The following DPYSL3 variants were observed in gnomAD, a reference collection of about 807,000 sequenced individuals.
DPYSL3 encodes the protein dihydropyrimidinase like 3.
In DPYSL3, 16 loss-of-function variants were observed where a neutral mutation model predicts 66.1. That is an observed-to-expected ratio of 0.24 (90% CI 0.16 to 0.37). DPYSL3 has a LOEUF of 0.37. Ranked by LOEUF, DPYSL3 falls within the 10% of genes least tolerant of loss-of-function variation. The pLI, the probability that DPYSL3 is intolerant of heterozygous loss-of-function variation, is 1.00. For missense variants in DPYSL3, 738 were observed against 916.2 expected, an observed-to-expected ratio of 0.81 and a Z score of 2.51; for synonymous variants, 338 against 345.1, an observed-to-expected ratio of 0.98 and a Z score of 0.23.
Position 147,418,464 on chromosome 5 carries a change from C to A in DPYSL3, c.638G>T (p.Gly213Val), listed in dbSNP as rs1409813415. The A allele has an allele frequency of 6.2e-7, 1 of 1,609,150 alleles. No individual in the cohort carries two copies. Among genetic ancestry groups the A allele is most frequent in the Non-Finnish European group, 8.5e-7 (1 of 1,177,672 alleles). Reference sequence around the variant, plus strand: ...AGACTTACTGATCATGGTGGTGCCACCTGCTAAGGCCGCCTTTGTCCCTTG... The same window carrying A: ...AGACTTACTGATCATGGTGGTGCCAACTGCTAAGGCCGCCTTTGTCCCTTG... ...FFQGTKAALAGGTTMIIDHVV... is the reference protein window; with the variant it reads ...FFQGTKAALAVGTTMIIDHVV... The change falls in exon 3 of 14, where the codon GGT becomes GTT. Residue 213 changes from glycine (G) to valine (V), a missense_variant. Coordinates refer to ENST00000343218, the MANE Select transcript of DPYSL3 (RefSeq NM_001197294.2).
At chr5:147,501,527 C>G (rs1753612718) in intron 1 of DPYSL3, among the ~76,000 whole-genome samples, 1 of 144,528 alleles carries the variant, frequency 6.9e-6, no homozygotes, top group Admixed American at 7.1e-5. Context: ...CTCTGTTGCC[C>G]AGGCTAGAGT....
intron 13 of DPYSL3, among the ~76,000 whole-genome samples, chr5:147,394,613 G>A (rs1757915286): frequency 6.9e-6 from 1 of 145,782 alleles, no homozygotes. Context: ...ATTTCAATGT[G>A]TGCTTGGGTC....
intron 1 of DPYSL3, among the ~76,000 whole-genome samples, chr5:147,492,893 G>A (rs1267199192): frequency 6.6e-6 from 1 of 152,112 alleles, no homozygotes; most frequent in East Asian, 1.9e-4. Flanking sequence ...AAAAGACAGA[G>A]ATTGTCAGAA....
chr5:147,401,604 C>A lies in DPYSL3; in HGVS notation c.1246G>T (p.Val416Leu). ...TCAGGGCTCAGGGGTGGGGATGTCA[C>A]AAATGCAGCCGCCTTGGCCCAGTTC... Reference protein sequence around the residue: ...SKNWAKAAAFVTSPPLSPDPT... With the variant: ...SKNWAKAAAFLTSPPLSPDPT... The change falls in exon 9 of 14, where the codon GTG (valine) becomes TTG (leucine). Residue 416 changes from valine (V) to leucine (L), a missense_variant. By Grantham distance (32) the Val-to-Leu change is conservative (BLOSUM62 1). Transcript: ENST00000343218. 1 of 1,613,990 alleles carries A rather than the reference C, an allele frequency of 6.2e-7. No individual in the cohort carries two copies.
chr5:147,450,121 G>A (rs891030967), intron 1 of DPYSL3, among the ~76,000 whole-genome samples: 6 of 152,074 alleles, frequency 3.9e-5, no homozygotes, highest in African/African-American at 2.4e-5. Flanking sequence ...GGGTATGTAG[G>A]TTTAAGTCTG....
intron 1 of DPYSL3, among the ~76,000 whole-genome samples, chr5:147,433,116 A>G (rs1752344468): frequency 6.6e-6 from 1 of 152,076 alleles, no homozygotes; most frequent in East Asian, 1.9e-4. Flanking sequence ...TTCTTCCACA[A>G]CCCCCTAAAA....
chr5:147,465,595 C>T (rs1752998384), intron 1 of DPYSL3, among the ~76,000 whole-genome samples: 2 of 152,102 alleles, frequency 1.3e-5, no homozygotes, highest in Admixed American at 6.5e-5. Flanking sequence ...CCACTGTTCC[C>T]GGCCCCTGGT....
In DPYSL3 at chr5:147,394,049, T is replaced by C. The variant is rs763713401; in HGVS notation, c.2041A>G (p.Thr681Ala). The C allele has an allele frequency of 3.7e-6, 6 of 1,613,928 alleles. No individual in the cohort carries two copies. The highest frequency in any genetic ancestry group is 5.1e-6 in the Non-Finnish European group (6 of 1,179,902). Residue 681 changes from threonine to alanine, a missense_variant, in exon 14 of 14, where the codon ACA (threonine) becomes GCA (alanine). Physicochemically the swap from Thr to Ala is moderately conservative, Grantham distance 58. Coordinates refer to ENST00000343218, the MANE Select transcript of DPYSL3 (RefSeq NM_001197294.2). The stretch of plus-strand genomic sequence containing the variant: ...GGAAGGCTTGCTTAACTCAGAGATG[T>C]GATATTAGAACGGCCGCCTGGGGGC... ...VAPPGGRSNI[T>A]SLS
chr5:147,424,152 T>C (rs1209221439), intron 2 of DPYSL3, among the ~76,000 whole-genome samples: 3 of 152,200 alleles, frequency 2.0e-5, no homozygotes, highest in Non-Finnish European at 4.4e-5. Context: ...AGATCTCTTG[T>C]AACCAAAATC....
chr5:147,422,251 A>G (rs1323949247), intron 2 of DPYSL3, among the ~76,000 whole-genome samples: 6 of 152,334 alleles, frequency 3.9e-5, no homozygotes, highest in African/African-American at 1.4e-4. Flanking sequence ...TATGAAAAAA[A>G]GCTCATCATT....
At chr5:147,431,934 T>C (rs1459149102) in intron 1 of DPYSL3, among the ~76,000 whole-genome samples, 2 of 152,124 alleles carry the variant, frequency 1.3e-5, no homozygotes, top group Non-Finnish European at 2.9e-5. Context: ...GGTGTGTTTC[T>C]AGGACCCTCG....
At chr5:147,399,059 A>C (rs1758084193) in intron 11 of DPYSL3, 23 bp downstream of exon 11, 1 of 1,611,560 alleles carries the variant, frequency 6.2e-7, no homozygotes, top group Non-Finnish European at 8.5e-7. Context: ...ATTCTACTCC[A>C]CTCCCACCAG....
At chr5:147,465,055 G>A (rs147585563) in intron 1 of DPYSL3, among the ~76,000 whole-genome samples, 115 of 152,236 alleles carry the variant, frequency 7.6e-4, no homozygotes, top group East Asian at 2.9e-3. Flanking sequence ...TTAGCTGAAC[G>A]TGGTGGCACA....
rs1435729731 is a variant in DPYSL3, at chr5:147,393,352, C to G, written c.*683G>C. On this transcript the variant is annotated 3_prime_UTR_variant, in exon 14 of 14. Transcript: ENST00000343218. Reference sequence around the variant, plus strand: ...AGGCCTGAGCAAACACTGGCACAATCAAGCAGGTGGAAGAAATGGTTGGGT... The same window carrying G: ...AGGCCTGAGCAAACACTGGCACAATGAAGCAGGTGGAAGAAATGGTTGGGT... 1 of 152,300 alleles carries G rather than the reference C, an allele frequency of 6.6e-6. No homozygotes were observed. The highest frequency in any genetic ancestry group is 1.5e-5 in the Non-Finnish European group (1 of 68,154). 9.4% of individuals were successfully genotyped at this position (152,300 alleles called of 1,614,324 possible).
intron 1 of DPYSL3, among the ~76,000 whole-genome samples, chr5:147,457,094 G>A (rs1449282158): frequency 6.6e-6 from 1 of 151,948 alleles, no homozygotes. Flanking sequence ...TGCTTACTAT[G>A]TGCCATTATT....
At chr5:147,445,860 G>A (rs1752621401) in intron 1 of DPYSL3, among the ~76,000 whole-genome samples, 1 of 152,090 alleles carries the variant, frequency 6.6e-6, no homozygotes, top group East Asian at 1.9e-4. Context: ...CTTTAATAAT[G>A]TTCATCTGAA....
chr5:147,453,922 C>G, intron 1 of DPYSL3: 1 of 358,528 alleles, frequency 2.8e-6, no homozygotes, highest in Non-Finnish European at 4.9e-6. Flanking sequence ...CCTCCCTCTT[C>G]TCTCTTATCC....
intron 2 of DPYSL3, among the ~76,000 whole-genome samples, chr5:147,421,870 A>G (rs1335348165): frequency 6.6e-6 from 1 of 152,240 alleles, no homozygotes; most frequent in Non-Finnish European, 1.5e-5. Flanking sequence ...AAGATGGATT[A>G]AAGACTTAAA....
intron 1 of DPYSL3, among the ~76,000 whole-genome samples, chr5:147,480,333 A>G (rs1459195594): frequency 6.6e-6 from 1 of 152,038 alleles, no homozygotes; most frequent in Non-Finnish European, 1.5e-5. Flanking sequence ...GTAGGGCAGC[A>G]CCCCTCCTTA....
Sources: gnomAD v4.1 joint callset for allele counts (sites outside exome capture counted in the v4.1 genomes callset) on GRCh38, gnomAD v4.1.1 for gene constraint, MANE v1.5 for transcripts, NCBI Gene and HGNC (gene_info 2026-07-23, HGNC 2026-07-21) for gene names.